PRELID2: variants seen among roughly 807,000 people sequenced by gnomAD.
PRELID2 encodes PRELI domain-containing protein 2.
In PRELID2, 25 loss-of-function variants were observed where a neutral mutation model predicts 28.4. The observed-to-expected ratio is 0.88, with a 90% CI of 0.64 to 1.23. The LOEUF (loss-of-function observed/expected upper bound fraction) is 1.23, where lower values mean the gene tolerates loss of function less well. Among genes scored for constraint, PRELID2 ranks in the 50% most tolerant of loss-of-function variants. The probability of loss-of-function intolerance (pLI) is 0.00; values close to 1 mark genes in which losing one functional copy is unlikely to be tolerated. For synonymous variants in PRELID2, 76 were observed against 71.6 expected (o/e 1.06, Z -0.31); for missense variants, 201 against 214.4 (o/e 0.94, Z 0.39).
rs190067640 is a variant in PRELID2, at chr5:145,746,189, C to T, written n.70+18742G>A. 2.9e-3 allele frequency among the ~76,000 whole-genome samples: 434 copies of T among 152,196 alleles called. 1 individual carries two copies. The highest frequency in any genetic ancestry group is 4.5e-3 in the Non-Finnish European group (304 of 68,016). On this transcript the variant is annotated intron_variant and non_coding_transcript_variant, in intron 1 of 2. Coordinates refer to the PRELID2 transcript ENST00000510259. ...AATACTAACCTTAAATGTAAATGGG[C>T]TAAATGCCCCAATTAAAAGACACAG...
the PRELID2 span, among the ~76,000 whole-genome samples, chr5:145,363,649 A>T: frequency 6.6e-6 from 1 of 152,198 alleles, no homozygotes; most frequent in African/African-American, 2.4e-5. Flanking sequence ...AAGAAATTGT[A>T]TCTTTATACC....
At chr5:145,593,518 T>C (rs951182854) in intron 1 of PRELID2, among the ~76,000 whole-genome samples, 6 of 152,190 alleles carry the variant, frequency 3.9e-5, no homozygotes, top group African/African-American at 1.4e-4. Flanking sequence ...TATGAATTTA[T>C]AGTATGACTA....
At chr5:145,394,631 G>A in the PRELID2 span, among the ~76,000 whole-genome samples, 1 of 152,086 alleles carries the variant, frequency 6.6e-6, no homozygotes, top group Non-Finnish European at 1.5e-5. Context: ...TATAACTATA[G>A]TAAATACTGG....
intron 1 of PRELID2, among the ~76,000 whole-genome samples, chr5:145,682,160 T>C (rs1298917222): frequency 6.6e-6 from 1 of 151,426 alleles, no homozygotes; most frequent in Non-Finnish European, 1.5e-5. Context: ...AAGCATTAAA[T>C]GGAAAAAAGT....
intron 1 of PRELID2, among the ~76,000 whole-genome samples, chr5:145,554,741 T>C (rs1261210089): frequency 6.6e-6 from 1 of 152,230 alleles, no homozygotes. Flanking sequence ...GCATTTTGTT[T>C]GACTTTTCAA....
chr5:145,658,895 T>TA lies in PRELID2; in HGVS notation n.70+106035dup, dbSNP rs748924820. 2.6e-5 allele frequency among the ~76,000 whole-genome samples: 4 copies of TA among 151,808 alleles called. No homozygotes were observed. In the South Asian group the frequency reaches 6.2e-4, roughly 24 times the overall value. ...TAAAACAGAGTAGTGGGACACAGAG[T>TA]AACTGGAAAGGGGGAACTTTAGGTA... On this transcript the variant is annotated intron_variant and non_coding_transcript_variant, in intron 1 of 2. Coordinates refer to the PRELID2 transcript ENST00000510259.
Position 145,502,383 on chromosome 5 carries a change from C to T in PRELID2, n.71-29068G>A, listed in dbSNP as rs148220390. Among the ~76,000 whole-genome samples the T allele has an allele frequency of 8.6e-3, 1,311 of 152,200 alleles. 69 individuals are homozygous for T. Among genetic ancestry groups the T allele is most frequent in the Admixed American group, 0.076 (1,158 of 15,262 alleles). ...AATCTAATCACCTTCTACCAGGCCC[C>T]ACCTCCAACACGAGGGATTACAATT... On this transcript the variant is annotated intron_variant and non_coding_transcript_variant, in intron 1 of 2. Coordinates refer to the PRELID2 transcript ENST00000510259.
chr5:145,577,403 A>T (rs1457184368), intron 1 of PRELID2, among the ~76,000 whole-genome samples: 1 of 152,130 alleles, frequency 6.6e-6, no homozygotes, highest in Non-Finnish European at 1.5e-5. Context: ...TTTAACAGAG[A>T]GATTAAAGTT....
intron 5 of PRELID2, among the ~76,000 whole-genome samples, chr5:145,781,640 A>G (rs189986519): frequency 1.6e-4 from 22 of 137,090 alleles, no homozygotes; most frequent in African/African-American, 5.5e-4. Flanking sequence ...TATACACACT[A>G]TATATATACT....
intron 1 of PRELID2, among the ~76,000 whole-genome samples, chr5:145,496,748 GTGGTC>G (rs2126630618): frequency 6.6e-6 from 1 of 152,108 alleles, no homozygotes; most frequent in South Asian, 2.1e-4. Flanking sequence ...AACCTACCTC[GTGGTC>G]TGAAAGTTCT....
At chr5:145,438,479 C>T in the PRELID2 span, among the ~76,000 whole-genome samples, 3 of 152,068 alleles carry the variant, frequency 2.0e-5, no homozygotes, top group Non-Finnish European at 4.4e-5. Context: ...AATAAACCAA[C>T]CTTGAATAAG....
the PRELID2 span, among the ~76,000 whole-genome samples, chr5:145,390,616 A>C: frequency 1.3e-5 from 2 of 152,184 alleles, no homozygotes; most frequent in African/African-American, 4.8e-5. Flanking sequence ...GGGTGGGGAC[A>C]GAGCCAAACC....
chr5:145,822,768 T>G (rs1754919176), intron 2 of PRELID2, among the ~76,000 whole-genome samples: 1 of 152,166 alleles, frequency 6.6e-6, no homozygotes, highest in African/African-American at 2.4e-5. Flanking sequence ...TGCCACATAT[T>G]AAGTGCTCAA....
the PRELID2 span, among the ~76,000 whole-genome samples, chr5:145,399,734 G>A: frequency 1.5e-3 from 221 of 152,208 alleles, no homozygotes; most frequent in African/African-American, 5.2e-3. Context: ...ACAAAAGAAA[G>A]ATGTTTATTG....
intron 1 of PRELID2, among the ~76,000 whole-genome samples, chr5:145,689,543 A>G (rs1755102995): frequency 6.6e-6 from 1 of 152,178 alleles, no homozygotes; most frequent in Non-Finnish European, 1.5e-5. Context: ...AGTAACAAAG[A>G]TGACTTTGAG....
At chr5:145,411,564 G>A in the PRELID2 span, among the ~76,000 whole-genome samples, 1 of 152,214 alleles carries the variant, frequency 6.6e-6, no homozygotes, top group African/African-American at 2.4e-5. Context: ...CCCCCTACCA[G>A]CTGCTTTCAT....
chr5:145,433,833 A>G, the PRELID2 span, among the ~76,000 whole-genome samples: 1 of 152,146 alleles, frequency 6.6e-6, no homozygotes, highest in African/African-American at 2.4e-5. Flanking sequence ...TACTGTATCT[A>G]TGTTGTCTTG....
chr5:145,524,891 CTAAG>C (rs1561499580), intron 1 of PRELID2, among the ~76,000 whole-genome samples: 4 of 152,166 alleles, frequency 2.6e-5, no homozygotes, highest in African/African-American at 7.2e-5. Context: ...TACTGTGAGA[CTAAG>C]TGTCATAGTG....
chr5:145,559,928 G>A (rs1451021530), intron 1 of PRELID2, among the ~76,000 whole-genome samples: 1 of 151,480 alleles, frequency 6.6e-6, no homozygotes, highest in Non-Finnish European at 1.5e-5. Flanking sequence ...GATGCTCCTC[G>A]ACTTATGGTG....
Sources: gnomAD v4.1 joint callset for allele counts (sites outside exome capture counted in the v4.1 genomes callset) on GRCh38, gnomAD v4.1.1 for gene constraint, MANE v1.5 for transcripts, NCBI Gene and HGNC (gene_info 2026-07-23, HGNC 2026-07-21) for gene names.